The following AFF3 variants were observed in gnomAD, a reference collection of about 807,000 sequenced individuals.
AFF3 encodes the protein AF4/FMR2 family member 3.
Under a neutral mutation model 129.7 loss-of-function variants are expected in AFF3, and 32 were observed. The ratio of observed to expected loss-of-function variants is 0.25; its 90% CI spans 0.19 to 0.33. The LOEUF (loss-of-function observed/expected upper bound fraction) is 0.33. Ranked by LOEUF, AFF3 falls within the 10% of genes least tolerant of loss-of-function variation. The probability of loss-of-function intolerance (pLI) is 1.00; values close to 1 mark genes in which losing one functional copy is unlikely to be tolerated. For missense variants in AFF3, 1,373 were observed against 1,592.0 expected (o/e 0.86, Z 2.34); for synonymous variants, 644 against 635.4 (o/e 1.01, Z -0.20).
intron 7 of AFF3, among the ~76,000 whole-genome samples, chr2:99,998,856 C>G (rs1681110617): frequency 6.6e-6 from 1 of 152,150 alleles, no homozygotes; most frequent in Non-Finnish European, 1.5e-5. Flanking sequence ...AAACAGCACC[C>G]CATGGGGCCA....
At chr2:99,988,315 T>C (rs1369851668) in intron 7 of AFF3, among the ~76,000 whole-genome samples, 1 of 152,154 alleles carries the variant, frequency 6.6e-6, no homozygotes, top group Non-Finnish European at 1.5e-5. Context: ...TGCATATTTC[T>C]GGTATGGAGA....
chr2:99,878,511 A>G (rs1008724371), intron 7 of AFF3, among the ~76,000 whole-genome samples: 2 of 152,190 alleles, frequency 1.3e-5, no homozygotes, highest in Non-Finnish European at 2.9e-5. Flanking sequence ...TTACTTTATA[A>G]CAAGTAGATT....
chr2:99,646,982 T>C (rs796098943), intron 13 of AFF3, among the ~76,000 whole-genome samples: 11 of 152,280 alleles, frequency 7.2e-5, no homozygotes, highest in African/African-American at 2.4e-4. Flanking sequence ...ATGGCTGTTA[T>C]TGAAAAGTCA....
intron 7 of AFF3, among the ~76,000 whole-genome samples, chr2:99,842,271 T>C (rs1208227084): frequency 6.6e-6 from 1 of 152,160 alleles, no homozygotes; most frequent in African/African-American, 2.4e-5. Flanking sequence ...TGTGCTTACT[T>C]TGATTATATT....
intron 4 of AFF3, among the ~76,000 whole-genome samples, chr2:100,072,704 T>C (rs1688291993): frequency 6.6e-6 from 1 of 152,188 alleles, no homozygotes; most frequent in African/African-American, 2.4e-5. Context: ...CTCATGTGTA[T>C]TAAGTGCAGG....
intron 7 of AFF3, among the ~76,000 whole-genome samples, chr2:99,899,672 T>C (rs6735012): frequency 0.42 from 63,602 of 152,098 alleles, 13,667 homozygotes; most frequent in Non-Finnish European, 0.47. Context: ...TTAGTAGTTT[T>C]AATAGTAGCT....
chr2:99,581,074 A>T (rs1006496428), intron 17 of AFF3, among the ~76,000 whole-genome samples: 3 of 152,196 alleles, frequency 2.0e-5, no homozygotes, highest in African/African-American at 7.2e-5. Flanking sequence ...CTAGAACTGT[A>T]AGCTTCATGG....
chr2:99,750,849 G>A (rs1363294610), intron 9 of AFF3, among the ~76,000 whole-genome samples: 1 of 152,154 alleles, frequency 6.6e-6, no homozygotes, highest in Non-Finnish European at 1.5e-5. Context: ...ATAATAACAA[G>A]CCATACATAA....
chr2:99,935,188 C>T (rs562052542), intron 7 of AFF3, among the ~76,000 whole-genome samples: 1 of 152,152 alleles, frequency 6.6e-6, no homozygotes, highest in Non-Finnish European at 1.5e-5. Context: ...GCCATGAAGA[C>T]CCATCAGAAT....
intron 4 of AFF3, among the ~76,000 whole-genome samples, chr2:100,060,012 A>G (rs978010824): frequency 1.3e-5 from 2 of 152,062 alleles, no homozygotes; most frequent in African/African-American, 2.4e-5. Context: ...CTTCTGATCC[A>G]CTCGTGTGCA....
intron 7 of AFF3, among the ~76,000 whole-genome samples, chr2:99,985,732 T>C (rs977553698): frequency 6.6e-6 from 1 of 151,750 alleles, no homozygotes; most frequent in Admixed American, 6.6e-5. Flanking sequence ...CACCCTTGGG[T>C]GGGTAGGGCC....
chr2:99,572,837 C>A (rs555942315), intron 18 of AFF3, among the ~76,000 whole-genome samples: 3 of 152,212 alleles, frequency 2.0e-5, no homozygotes, highest in Non-Finnish European at 4.4e-5. Context: ...CCTTTATAGG[C>A]ACTTCCCCAC....
chr2:100,138,808 G>T (rs1278311331), intron 1 of AFF3, among the ~76,000 whole-genome samples: 1 of 151,958 alleles, frequency 6.6e-6, no homozygotes, highest in African/African-American at 2.4e-5. Flanking sequence ...AGCCAGGCGT[G>T]ACGGTGGGCG....
At chr2:99,935,311 ACT>A (rs1349777078) in intron 7 of AFF3, among the ~76,000 whole-genome samples, 2 of 152,056 alleles carry the variant, frequency 1.3e-5, no homozygotes, top group African/African-American at 2.4e-5. Context: ...TGGCCATGTC[ACT>A]TTCGGAAGAA....
At chr2:99,581,164 G>C (rs895915958) in intron 17 of AFF3, among the ~76,000 whole-genome samples, 2 of 152,162 alleles carry the variant, frequency 1.3e-5, no homozygotes, top group Non-Finnish European at 2.9e-5. Flanking sequence ...AGTACTTACC[G>C]AATGAGCACC....
At chr2:100,003,246 G>A (rs1462814734) in intron 7 of AFF3, among the ~76,000 whole-genome samples, 1 of 152,168 alleles carries the variant, frequency 6.6e-6, no homozygotes, top group Non-Finnish European at 1.5e-5. Context: ...AACTGTATCT[G>A]CCTCTCTAGG....
intron 7 of AFF3, among the ~76,000 whole-genome samples, chr2:99,984,401 C>CTT (rs1679675711): frequency 6.6e-6 from 1 of 152,094 alleles, no homozygotes; most frequent in African/African-American, 2.4e-5. Flanking sequence ...GAAGTCCTTA[C>CTT]TTTAGTATGC....
At chr2:100,072,739 C>A (rs1688295218) in intron 4 of AFF3, among the ~76,000 whole-genome samples, 1 of 152,188 alleles carries the variant, frequency 6.6e-6, no homozygotes, top group Non-Finnish European at 1.5e-5. Context: ...TGCTAGGAAT[C>A]CACCATATCA....
intron 13 of AFF3, among the ~76,000 whole-genome samples, chr2:99,647,763 T>C (rs1253776575): frequency 6.6e-6 from 1 of 152,182 alleles, no homozygotes; most frequent in Non-Finnish European, 1.5e-5. Flanking sequence ...CAATTCTGAA[T>C]AGAAAAAGTG....
Sources: gnomAD v4.1 joint callset for allele counts (sites outside exome capture counted in the v4.1 genomes callset) on GRCh38, gnomAD v4.1.1 for gene constraint, MANE v1.5 for transcripts, NCBI Gene and HGNC (gene_info 2026-07-23, HGNC 2026-07-21) for gene names.